RAP1A: variants seen among roughly 807,000 people sequenced by gnomAD.
RAP1A encodes RAP1A, member of RAS oncogene family.
A neutral mutation model predicts 26.4 loss-of-function variants in RAP1A; 6 were observed. The observed-to-expected ratio is 0.23, with a 90% CI of 0.12 to 0.45. RAP1A has a LOEUF of 0.45. RAP1A is among the 20% of genes least tolerant of loss of function. RAP1A has a pLI of 0.99. For missense variants in RAP1A, 121 were observed against 217.2 expected, an observed-to-expected ratio of 0.56 and a Z score of 2.78; for synonymous variants, 73 against 79.4, an observed-to-expected ratio of 0.92 and a Z score of 0.43.
chr1:111,546,971 G>A (rs1236715407), intron 1 of RAP1A, among the ~76,000 whole-genome samples: 1 of 152,028 alleles, frequency 6.6e-6, no homozygotes, highest in Non-Finnish European at 1.5e-5. Flanking sequence ...TTTAATAATA[G>A]CCATCCTAAG....
At chr1:111,678,472 T>C (rs938424109) in intron 1 of RAP1A, among the ~76,000 whole-genome samples, 1 of 152,212 alleles carries the variant, frequency 6.6e-6, no homozygotes, top group Non-Finnish European at 1.5e-5. Flanking sequence ...TGTTAGTCAA[T>C]TTAATCATTG....
intron 1 of RAP1A, among the ~76,000 whole-genome samples, chr1:111,553,311 A>G (rs927963306): frequency 5.9e-5 from 9 of 152,228 alleles, no homozygotes; most frequent in Non-Finnish European, 1.2e-4. Context: ...CTCTGGCAAA[A>G]ACTCATGACA....
chr1:111,629,708 T>C (rs923955556), intron 1 of RAP1A, among the ~76,000 whole-genome samples: 1 of 152,202 alleles, frequency 6.6e-6, no homozygotes, highest in Non-Finnish European at 1.5e-5. Flanking sequence ...GTGCTCGTAG[T>C]GTTGGGGATT....
At chr1:111,619,788 C>G (rs183135557), upstream of RAP1A, 1 of 397,738 alleles carries the variant, frequency 2.5e-6, no homozygotes, top group Non-Finnish European at 4.4e-6. Flanking sequence ...GAGGAGGCGC[C>G]GCCGCCGCTC....
At chr1:111,699,003 G>A (rs942842214) in intron 4 of RAP1A, among the ~76,000 whole-genome samples, 13 of 150,312 alleles carry the variant, frequency 8.6e-5, no homozygotes, top group African/African-American at 3.2e-4. Flanking sequence ...TGTCCAGATT[G>A]TAAGAAGGAA....
At chr1:111,658,041 G>T (rs1282342073) in intron 1 of RAP1A, among the ~76,000 whole-genome samples, 1 of 151,966 alleles carries the variant, frequency 6.6e-6, no homozygotes, top group Non-Finnish European at 1.5e-5. Flanking sequence ...TTAGAATATG[G>T]TCTATCTTGG....
intron 1 of RAP1A, among the ~76,000 whole-genome samples, chr1:111,633,221 G>A (rs559282983): frequency 6.6e-6 from 1 of 152,102 alleles, no homozygotes; most frequent in Non-Finnish European, 1.5e-5. Flanking sequence ...AATTTTTCCT[G>A]GTGGATTTCT....
intron 1 of RAP1A, among the ~76,000 whole-genome samples, chr1:111,654,348 A>G (rs1332681531): frequency 6.6e-6 from 1 of 152,118 alleles, no homozygotes; most frequent in Non-Finnish European, 1.5e-5. Flanking sequence ...TTTCATGTAT[A>G]CTGTTTTATT....
chr1:111,644,565 A>C (rs973452302), intron 1 of RAP1A, among the ~76,000 whole-genome samples: 2 of 152,216 alleles, frequency 1.3e-5, no homozygotes, highest in Admixed American at 1.3e-4. Context: ...CAGGAAGACA[A>C]GGATTGTTTC....
At chr1:111,643,453 T>A (rs1252733788) in intron 1 of RAP1A, among the ~76,000 whole-genome samples, 1 of 152,210 alleles carries the variant, frequency 6.6e-6, no homozygotes, top group Non-Finnish European at 1.5e-5. Flanking sequence ...TGGCATCAAG[T>A]TTAGAACTTT....
chr1:111,634,122 A>G (rs1244189015), intron 1 of RAP1A, among the ~76,000 whole-genome samples: 1 of 152,240 alleles, frequency 6.6e-6, no homozygotes, highest in African/African-American at 2.4e-5. Flanking sequence ...CCAAAGATGG[A>G]CATGTGAAGT....
intron 1 of RAP1A, among the ~76,000 whole-genome samples, chr1:111,545,089 A>G (rs978222424): frequency 6.8e-6 from 1 of 147,552 alleles, no homozygotes; most frequent in African/African-American, 2.6e-5. Flanking sequence ...TACATACCCA[A>G]TTTCTTGGGT....
At chr1:111,705,285 A>T (rs1276601570) in intron 6 of RAP1A, among the ~76,000 whole-genome samples, 1 of 152,214 alleles carries the variant, frequency 6.6e-6, no homozygotes, top group Non-Finnish European at 1.5e-5. Context: ...TGCCATTTGT[A>T]GCATTACAGG....
rs377643721 is a variant in RAP1A, at chr1:111,709,721, A to G, written c.*29+457A>G. On this transcript the variant is annotated intron_variant, in intron 7 of 7. Coordinates refer to ENST00000369709, the MANE Select transcript of RAP1A (RefSeq NM_002884.4). ...AAACTCTGCCCTGATTTCTAACTCCATGGATTAGTTTTGCCTCTCTTTGAA... is the reference window on the plus strand; with the variant it reads ...AAACTCTGCCCTGATTTCTAACTCCGTGGATTAGTTTTGCCTCTCTTTGAA... Among the ~76,000 whole-genome samples the G allele has an allele frequency of 1.4e-4, 21 of 152,302 alleles. 1 individual carries two copies. Among genetic ancestry groups the G allele is most frequent in the African/African-American group, 4.6e-4 (19 of 41,562 alleles).
intron 1 of RAP1A, among the ~76,000 whole-genome samples, chr1:111,579,084 G>A (rs12566794): frequency 0.53 from 80,964 of 152,070 alleles, 22,523 homozygotes; most frequent in Non-Finnish European, 0.6. Context: ...CCCTCCTGGC[G>A]TCTCCTAGTG....
intron 7 of RAP1A, 141 bp downstream of exon 7, chr1:111,709,405 C>A (rs940759862): frequency 3.1e-6 from 3 of 974,024 alleles, no homozygotes; most frequent in Non-Finnish European, 4.2e-6. Context: ...CTTGTAGGTA[C>A]GTCATCTGTT....
At chr1:111,648,693 G>C in intron 1 of RAP1A, 1 of 558,938 alleles carries the variant, frequency 1.8e-6, no homozygotes, top group South Asian at 1.6e-5. Flanking sequence ...TCTCAGCTCT[G>C]TGAGCGTCAT....
rs1662518761 is a variant in RAP1A, at chr1:111,715,527, A to G, written c.*3126A>G. On this transcript the variant is annotated 3_prime_UTR_variant, in exon 8 of 8. Transcript: ENST00000369709. ...ACTACAGTTCATCAAAGATATGAAT[A>G]ACACCCTAGTTTTCTGAACTGCAGC... is the stretch of plus-strand genomic sequence containing the variant. 6.6e-6 allele frequency: 1 copy of G among 152,232 alleles called. No homozygotes were observed. Among genetic ancestry groups the G allele is most frequent in the African/African-American group, 2.4e-5 (1 of 41,466 alleles). The allele number at this position is 152,232 out of a possible 1,614,324, so 9.4% of individuals were successfully genotyped here.
chr1:111,631,759 T>C (rs1659573598), intron 1 of RAP1A, among the ~76,000 whole-genome samples: 1 of 152,208 alleles, frequency 6.6e-6, no homozygotes, highest in East Asian at 1.9e-4. Flanking sequence ...AGAAAATTTC[T>C]TCAGAAATAA....
Sources: gnomAD v4.1 joint callset for allele counts (sites outside exome capture counted in the v4.1 genomes callset) on GRCh38, gnomAD v4.1.1 for gene constraint, MANE v1.5 for transcripts, NCBI Gene and HGNC (gene_info 2026-07-23, HGNC 2026-07-21) for gene names.